PLCH2: variants seen among roughly 807,000 people sequenced by gnomAD.
PLCH2 encodes the protein 1-phosphatidylinositol 4,5-bisphosphate phosphodiesterase eta-2.
A neutral mutation model predicts 134.7 loss-of-function variants in PLCH2; 98 were observed. The observed-to-expected ratio is 0.73, with a 90% CI of 0.62 to 0.86. PLCH2 has a LOEUF of 0.86. Among genes scored for constraint, PLCH2 ranks in the 40% least tolerant of loss-of-function variants. PLCH2 has a pLI of 0.00. For missense variants in PLCH2, 1,994 were observed against 1,986.6 expected, an observed-to-expected ratio of 1.00 and a Z score of -0.07; for synonymous variants, 974 against 827.5, an observed-to-expected ratio of 1.18 and a Z score of -3.04.
intron 2 of PLCH2, among the ~76,000 whole-genome samples, chr1:2,450,896 T>A (rs908404249): frequency 6.7e-6 from 1 of 150,138 alleles, no homozygotes; most frequent in Non-Finnish European, 1.5e-5. Flanking sequence ...TGTCTCTGGG[T>A]CTCAGTTTCC....
intron 5 of PLCH2, 126 bp downstream of exon 5, chr1:2,484,744 TG>T: frequency 2.0e-6 from 2 of 985,478 alleles, no homozygotes; most frequent in Non-Finnish European, 3.0e-6. Context: ...AGGCCAGGGA[TG>T]GGCTACCTGG....
At chr1:2,467,125 A>C (rs1641092547), upstream of PLCH2, among the ~76,000 whole-genome samples, 1 of 149,506 alleles carries the variant, frequency 6.7e-6, no homozygotes. Flanking sequence ...CCAGCCAGGG[A>C]GCATTTGGCT....
At position 2,479,670 on chromosome 1, in the gene PLCH2, G is replaced by C. The variant is rs1028956645; in HGVS notation, c.272-64G>C. On this transcript the variant is annotated intron_variant, in intron 2 of 21. Transcript: ENST00000378486. ...GGCTGCTTGGTCTCCGCAGTGTTGG[G>C]GCTGCCAGCAGGGGGACGCTGGGCC... The C allele has an allele frequency of 7.4e-6, 11 of 1,488,112 alleles. No homozygotes were observed. In the East Asian group the frequency reaches 2.0e-4, roughly 27 times the overall value. 92.2% of individuals were successfully genotyped at this position (1,488,112 alleles called of 1,614,324 possible).
chr1:2,422,480 C>G (rs1638568161), upstream of PLCH2, among the ~76,000 whole-genome samples: 1 of 152,178 alleles, frequency 6.6e-6, no homozygotes, highest in Non-Finnish European at 1.5e-5. Context: ...GAGATCTGGC[C>G]TCACAGGGCT....
chr1:2,500,661 C>T (rs1258165002), intron 20 of PLCH2: 2 of 152,278 alleles, frequency 1.3e-5, no homozygotes, highest in Non-Finnish European at 2.9e-5. Context: ...GAGACTGTCG[C>T]TCATGTGACG....
intron 2 of PLCH2, among the ~76,000 whole-genome samples, chr1:2,436,406 TCC>T (rs1161485162): frequency 0.11 from 7,737 of 73,396 alleles, 2,482 homozygotes; most frequent in East Asian, 0.26. Context: ...CTTTCCTCCT[TCC>T]TCCCTCCACC....
intron 10 of PLCH2, 46 bp downstream of exon 10, chr1:2,489,913 CCCAA>C: frequency 1.5e-6 from 2 of 1,320,070 alleles, no homozygotes; most frequent in Non-Finnish European, 2.2e-6. Flanking sequence ...GCCTGCAGTT[CCCAA>C]GAACAGCTGT....
At chr1:2,456,194 G>GC (rs796474251) in intron 2 of PLCH2, among the ~76,000 whole-genome samples, 25 of 152,330 alleles carry the variant, frequency 1.6e-4, no homozygotes, top group African/African-American at 6.0e-4. Context: ...GGGTTACCAA[G>GC]CCGCCAGCAC....
Position 2,502,366 on chromosome 1 carries a change from G to T in PLCH2, c.2916G>T (p.Pro972=). The change falls in exon 21 of 22, where the codon CCG becomes CCT. Residue 972 remains proline, a synonymous_variant. Transcript: ENST00000378486. Reference sequence around the variant, plus strand: ...TGCCCCCCGGGCCCGGACCTGCTCCGGAAGCCCCAGCCCAGGAGGGGCCCG... The same window carrying T: ...TGCCCCCCGGGCCCGGACCTGCTCCTGAAGCCCCAGCCCAGGAGGGGCCCG... ...DVVPPGPGPA[P]EAPAQEGPGS... 6.5e-7 allele frequency: 1 copy of T among 1,541,088 alleles called. No individual in the cohort carries two copies. Among genetic ancestry groups the T allele is most frequent in the South Asian group, 1.2e-5 (1 of 83,434 alleles).
At chr1:2,447,287 C>G (rs1022109118) in intron 2 of PLCH2, among the ~76,000 whole-genome samples, 3 of 152,192 alleles carry the variant, frequency 2.0e-5, no homozygotes, top group Admixed American at 1.3e-4. Flanking sequence ...TTGCTCACCT[C>G]ACCCGCATCC....
chr1:2,459,615 TGCCTGTGG>T (rs1557970236), intron 2 of PLCH2, among the ~76,000 whole-genome samples: 14 of 113,398 alleles, frequency 1.2e-4, no homozygotes, highest in East Asian at 3.5e-4. Flanking sequence ...TGGTCCTCCT[TGCCTGTGG>T]TCCTCCTTGC....
At chr1:2,459,464 TTCTC>T (rs1640678090) in intron 2 of PLCH2, among the ~76,000 whole-genome samples, 3 of 61,728 alleles carry the variant, frequency 4.9e-5, no homozygotes, top group Non-Finnish European at 9.7e-5. Context: ...TTCCTGGTGG[TTCTC>T]CTTCCTGGTG....
At chr1:2,420,983 C>T (rs1570168191), upstream of PLCH2, among the ~76,000 whole-genome samples, 1 of 149,218 alleles carries the variant, frequency 6.7e-6, no homozygotes, top group South Asian at 2.1e-4. Flanking sequence ...GACAGAGTCT[C>T]ACCCAGGCTG....
At chr1:2,442,672 T>G (rs183356940) in intron 2 of PLCH2, among the ~76,000 whole-genome samples, 1 of 152,190 alleles carries the variant, frequency 6.6e-6, no homozygotes, top group East Asian at 1.9e-4. Flanking sequence ...ATGGTGTGGG[T>G]GCACGGGGCT....
Position 2,487,235 on chromosome 1 carries a change from C to T in PLCH2, c.973C>T (p.His325Tyr). The change falls in exon 7 of 22, where the codon CAC (histidine) becomes TAC (tyrosine). Residue 325 changes from histidine (H) to tyrosine (Y), a missense_variant. Coordinates refer to ENST00000378486, the MANE Select transcript of PLCH2 (RefSeq NM_014638.4). ...DIFNPEHHHVHQDMTQPLSHY... is the reference protein window; with the variant it reads ...DIFNPEHHHVYQDMTQPLSHY... ...CTTCAACCCTGAGCACCACCATGTG[C>T]ACCAGGACATGACGCAGCCGCTGAG... The T allele has an allele frequency of 6.2e-7, 1 of 1,607,410 alleles. No individual in the cohort carries two copies. The highest frequency in any genetic ancestry group is 1.1e-5 in the South Asian group (1 of 89,896).
chr1:2,461,758 C>A (rs1640811994), intron 2 of PLCH2, among the ~76,000 whole-genome samples: 1 of 152,174 alleles, frequency 6.6e-6, no homozygotes, highest in Non-Finnish European at 1.5e-5. Flanking sequence ...TCCCTTTGAA[C>A]CTGTCTGCAA....
chr1:2,460,414 G>T (rs186418549), intron 2 of PLCH2, among the ~76,000 whole-genome samples: 2 of 152,342 alleles, frequency 1.3e-5, no homozygotes, highest in African/African-American at 4.8e-5. Context: ...ATGGCTAGGG[G>T]TATGGAACAG....
Position 2,504,470 on chromosome 1 carries a change from G to C in PLCH2, c.3508G>C (p.Glu1170Gln). ...CAGCCTGGGCCTGGGCCGCAGCCGTGAGAACCTCGCTGGAGCCCACATGGG... is the reference window on the plus strand; with the variant it reads ...CAGCCTGGGCCTGGGCCGCAGCCGTCAGAACCTCGCTGGAGCCCACATGGG... ...LPSLGLGRSR[E>Q]NLAGAHMGRL... is the part of the protein sequence containing the mutation. Residue 1170 changes from glutamate (E) to glutamine (Q), a missense_variant, in exon 22 of 22, where the codon GAG (glutamate) becomes CAG (glutamine). By Grantham distance (29) the Glu-to-Gln change is conservative. Transcript: ENST00000378486. The C allele has an allele frequency of 1.2e-6, 2 of 1,612,446 alleles. No individual in the cohort carries two copies. The highest frequency in any genetic ancestry group is 1.7e-6 in the Non-Finnish European group (2 of 1,179,726).
In PLCH2 at chr1:2,495,567, G is replaced by A. The variant is rs757330019; in HGVS notation, c.1832G>A (p.Arg611Gln). ...EGQDSPGGQS[R>Q]GATRQKKTMK... ...CAGGACTCCCCGGGAGGCCAGAGCC[G>A]AGGGTAGGTGCCCTGCCCCACGGGG... The change falls in exon 13 of 22, where the codon CGA becomes CAA. Residue 611 changes from arginine to glutamine, a missense_variant. This residue lies in a region of PLCH2 where 1,094 missense variants were observed against 1,234.3 expected (regional missense o/e 0.89). Coordinates refer to ENST00000378486, the MANE Select transcript of PLCH2 (RefSeq NM_014638.4). The A allele has an allele frequency of 3.1e-5, 48 of 1,546,268 alleles. No homozygotes were observed. The highest frequency in any genetic ancestry group is 1.2e-4 in the African/African-American group (9 of 72,856).
Sources: allele counts gnomAD v4.1 joint callset (sites outside exome capture counted in the v4.1 genomes callset), GRCh38; gene constraint gnomAD v4.1.1; regional missense constraint gnomAD v4.1.1; transcripts MANE v1.5; gene names NCBI Gene and HGNC (gene_info 2026-07-23, HGNC 2026-07-21).